The following DNAH11 variants were observed in gnomAD, a reference collection of about 807,000 sequenced individuals.
The protein encoded by DNAH11 is axonemal beta dynein heavy chain 11.
Under a neutral mutation model 526.0 loss-of-function variants are expected in DNAH11, and 442 were observed. The observed-to-expected ratio is 0.84, with a 90% confidence interval of 0.78 to 0.91. The LOEUF is 0.91. Ranked by LOEUF, DNAH11 falls within the 40% of genes least tolerant of loss-of-function variation. The pLI is 0.00. For synonymous variants in DNAH11, 2,461 were observed against 1,935.9 expected, an observed-to-expected ratio of 1.27 and a Z score of -7.12; for missense variants, 6,989 against 5,448.7, an observed-to-expected ratio of 1.28 and a Z score of -8.90.
chr7:21,773,992 C>A lies in DNAH11; in HGVS notation c.9329C>A (p.Ala3110Asp). 6.4e-7 allele frequency: 1 copy of A among 1,561,760 alleles called. No individual in the cohort carries two copies. Among genetic ancestry groups the A allele is most frequent in the East Asian group, 2.4e-5 (1 of 42,380 alleles). The change falls in exon 56 of 82, where the codon GCC (alanine) becomes GAC (aspartate). Residue 3110 changes from alanine to aspartate, a missense_variant. By Grantham distance (126) the Ala-to-Asp change is moderately radical. Coordinates refer to ENST00000409508, the MANE Select transcript of DNAH11 (RefSeq NM_001277115.2). Reference sequence around the variant, plus strand: ...GGCATCCAAAAGCTAAAAACCACAGCCTCTCAGGTATGACCAGGATGTGTT... The same window carrying A: ...GGCATCCAAAAGCTAAAAACCACAGACTCTCAGGTATGACCAGGATGTGTT... ...VNGIQKLKTT[A>D]SQVGDLKARL...
intron 44 of DNAH11, among the ~76,000 whole-genome samples, chr7:21,721,676 G>T (rs1784879255): frequency 6.6e-6 from 1 of 152,120 alleles, no homozygotes. Flanking sequence ...CTGTATTCAT[G>T]ACATCATCTA....
rs778173809 is a variant in DNAH11 at position 21,691,167 on chromosome 7, ATTTTTTTTTTC to A, written c.6041+297_6041+307del. ...TTTATTATAAACATAATCTTTCATA[ATTTTTTTTTTC>A]TTTTTTTTTTTTTAACAGTCAAAGT... On this transcript the variant is annotated intron_variant, in intron 35 of 81. Coordinates refer to ENST00000409508, the MANE Select transcript of DNAH11 (RefSeq NM_001277115.2). Among the ~76,000 whole-genome samples, 434 of 121,830 alleles carry A rather than the reference ATTTTTTTTTTC, an allele frequency of 3.6e-3. No individual in the cohort carries two copies. Among genetic ancestry groups the A allele is most frequent in the African/African-American group, 0.012 (267 of 22,086 alleles). 79.9% of individuals were successfully genotyped at this position (121,830 alleles called of 152,430 possible).
chr7:21,659,281 A>C (rs935015277), intron 30 of DNAH11, among the ~76,000 whole-genome samples: 2 of 148,966 alleles, frequency 1.3e-5, no homozygotes, highest in Non-Finnish European at 3.0e-5. Context: ...CATACTAGAT[A>C]CTGTACATGC....
intron 74 of DNAH11, among the ~76,000 whole-genome samples, chr7:21,875,372 C>A (rs17361667): frequency 0.27 from 41,675 of 152,050 alleles, 7,055 homozygotes; most frequent in Non-Finnish European, 0.37. Flanking sequence ...ATTTCATGAA[C>A]AAATATGCTT....
At chr7:21,631,555 A>G (rs1479071816) in intron 25 of DNAH11, among the ~76,000 whole-genome samples, 1 of 152,232 alleles carries the variant, frequency 6.6e-6, no homozygotes, top group Non-Finnish European at 1.5e-5. Flanking sequence ...AATGGGAGAA[A>G]GCAGCCAAAA....
rs776491549 is a variant in DNAH11, at chr7:21,738,875, G to C, written c.7811+9G>C. ...ATTGATTATGGACATTGGTAAGCAA[G>C]TCTCTGTAGTTTACTCTCTCCCAAA... On this transcript the variant is annotated intron_variant, in intron 47 of 81. Coordinates refer to ENST00000409508, the MANE Select transcript of DNAH11 (RefSeq NM_001277115.2). The C allele has an allele frequency of 1.3e-6, 2 of 1,574,176 alleles. No individual in the cohort carries two copies. Among genetic ancestry groups the C allele is most frequent in the Non-Finnish European group, 1.7e-6 (2 of 1,163,792 alleles).
At chr7:21,650,077 A>C (rs17144880) in intron 28 of DNAH11, among the ~76,000 whole-genome samples, 8,638 of 152,202 alleles carry the variant, frequency 0.057, 631 homozygotes, top group Admixed American at 0.22. Context: ...TATGTATTGC[A>C]ATTTCCAAAA....
chr7:21,578,253 G>C (rs905835066), intron 8 of DNAH11, among the ~76,000 whole-genome samples: 68 of 152,218 alleles, frequency 4.5e-4, no homozygotes, highest in African/African-American at 1.5e-3. Flanking sequence ...TACACGTATT[G>C]GGTAAATATT....
rs117480763 is a variant in DNAH11 at position 21,756,863 on chromosome 7, G to A, written c.8940+6499G>A. ...ATCTTTATAATAATTGACCTCTTCCGGGAATGTGGCACGTGTCTTCCTTTA... is the reference window on the plus strand; with the variant it reads ...ATCTTTATAATAATTGACCTCTTCCAGGAATGTGGCACGTGTCTTCCTTTA... On this transcript the variant is annotated intron_variant, in intron 54 of 81. Coordinates refer to ENST00000409508, the MANE Select transcript of DNAH11 (RefSeq NM_001277115.2). 3.9e-3 allele frequency among the ~76,000 whole-genome samples: 600 copies of A among 152,258 alleles called. 2 individuals are homozygous for A. The highest frequency in any genetic ancestry group is 0.02 in the Middle Eastern group (6 of 294).
At chr7:21,585,785 T>C (rs2128441982) in intron 9 of DNAH11, among the ~76,000 whole-genome samples, 1 of 152,280 alleles carries the variant, frequency 6.6e-6, no homozygotes, top group Admixed American at 6.5e-5. Context: ...CACCGAACAA[T>C]GGCAATGGTG....
chr7:21,571,079 A>G (rs1309688615), intron 7 of DNAH11, among the ~76,000 whole-genome samples: 5 of 152,116 alleles, frequency 3.3e-5, no homozygotes, highest in African/African-American at 1.2e-4. Flanking sequence ...ATACCTAATG[A>G]AGGGCAGCTT....
chr7:21,684,991 G>A lies in DNAH11; in HGVS notation c.5621+1047G>A, dbSNP rs74599730. On this transcript the variant is annotated intron_variant, in intron 32 of 81. Transcript: ENST00000409508. ...ATTTCAAATATAAGTCTATAAAGCT[G>A]GTTTGCTATGGTAGTCCTGAGAGGC... Among the ~76,000 whole-genome samples, 683 of 152,242 alleles carry A rather than the reference G, an allele frequency of 4.5e-3. 4 individuals carry two copies. Among genetic ancestry groups the A allele is most frequent in the African/African-American group, 0.016 (664 of 41,536 alleles).
At chr7:21,610,391 A>C (rs375592929) in intron 20 of DNAH11, among the ~76,000 whole-genome samples, 6 of 152,240 alleles carry the variant, frequency 3.9e-5, no homozygotes, top group Non-Finnish European at 7.3e-5. Context: ...AAATGGTTAC[A>C]AGTATCTTCC....
chr7:21,667,380 A>G (rs866132254), intron 30 of DNAH11, among the ~76,000 whole-genome samples: 11 of 152,120 alleles, frequency 7.2e-5, no homozygotes, highest in African/African-American at 2.7e-4. Flanking sequence ...TCTCTTCTGC[A>G]TGCACGCATC....
intron 63 of DNAH11, among the ~76,000 whole-genome samples, chr7:21,811,853 G>C (rs1261671382): frequency 6.6e-6 from 1 of 152,060 alleles, no homozygotes; most frequent in Non-Finnish European, 1.5e-5. Flanking sequence ...CAAAGAGTTG[G>C]GTACAGGAAT....
chr7:21,836,284 A>C (rs1217076274), intron 65 of DNAH11, among the ~76,000 whole-genome samples: 1 of 152,134 alleles, frequency 6.6e-6, no homozygotes, highest in Non-Finnish European at 1.5e-5. Flanking sequence ...GAAGACTCCA[A>C]ATAGCCAAAC....
chr7:21,611,116 G>C (rs1366745960), intron 20 of DNAH11, among the ~76,000 whole-genome samples: 3 of 152,160 alleles, frequency 2.0e-5, no homozygotes, highest in Non-Finnish European at 4.4e-5. Context: ...TGCAGTGCGG[G>C]TGGGCATTGT....
At chr7:21,675,588 A>G (rs751521316) in intron 30 of DNAH11, among the ~76,000 whole-genome samples, 46 of 152,232 alleles carry the variant, frequency 3.0e-4, no homozygotes, top group South Asian at 1.0e-3. Flanking sequence ...CAAGAACCAC[A>G]TTTGTCATCT....
chr7:21,778,754 G>T (rs1787794944), intron 56 of DNAH11, among the ~76,000 whole-genome samples: 1 of 152,136 alleles, frequency 6.6e-6, no homozygotes, highest in Non-Finnish European at 1.5e-5. Context: ...CAAAATCATT[G>T]GAAAATATTA....
Sources: allele counts gnomAD v4.1 joint callset (sites outside exome capture counted in the v4.1 genomes callset), GRCh38; gene constraint gnomAD v4.1.1; transcripts MANE v1.5; gene names NCBI Gene and HGNC (gene_info 2026-07-23, HGNC 2026-07-21).